MPP7: variants seen among roughly 807,000 people sequenced by gnomAD.
MPP7 encodes MAGUK p55 subfamily member 7.
In MPP7, 60 loss-of-function variants were observed where a neutral mutation model predicts 76.5. The ratio of observed to expected loss-of-function variants is 0.78; its 90% CI spans 0.64 to 0.97. The LOEUF is 0.97. Among genes scored for constraint, MPP7 ranks in the 50% least tolerant of loss-of-function variants. The pLI, the probability that MPP7 is intolerant of heterozygous loss-of-function variation, is 0.00. For synonymous variants in MPP7, 237 were observed against 244.5 expected, an observed-to-expected ratio of 0.97 and a Z score of 0.29; for missense variants, 641 against 694.0, an observed-to-expected ratio of 0.92 and a Z score of 0.86.
intron 5 of MPP7, among the ~76,000 whole-genome samples, chr10:28,144,089 A>C (rs1004692818): frequency 1.3e-5 from 2 of 152,094 alleles, no homozygotes; most frequent in African/African-American, 4.8e-5. Flanking sequence ...GGGTTTCACC[A>C]TGTTGGCCAG....
intron 3 of MPP7, among the ~76,000 whole-genome samples, chr10:28,198,302 C>A (rs571661127): frequency 5.9e-5 from 9 of 152,062 alleles, no homozygotes; most frequent in Admixed American, 5.9e-4. Flanking sequence ...ATAGGCCAGG[C>A]GCAGTGGCTC....
intron 2 of MPP7, among the ~76,000 whole-genome samples, chr10:28,315,361 G>A (rs1834308977): frequency 6.6e-6 from 1 of 151,196 alleles, no homozygotes; most frequent in African/African-American, 2.4e-5. Context: ...AGGGAGGAAG[G>A]AGGGAAGGAA....
intron 2 of MPP7, among the ~76,000 whole-genome samples, chr10:28,327,782 C>T (rs1834432174): frequency 6.6e-6 from 1 of 152,140 alleles, no homozygotes; most frequent in Admixed American, 6.5e-5. Flanking sequence ...AGCTATTGTG[C>T]CCTGACATTA....
intron 1 of MPP7, among the ~76,000 whole-genome samples, chr10:28,251,551 A>G (rs1001444777): frequency 6.6e-6 from 1 of 152,210 alleles, no homozygotes; most frequent in African/African-American, 2.4e-5. Context: ...ATACACCCTA[A>G]GAAATAATCA....
At position 28,054,178 on chromosome 10, in the gene MPP7, C is replaced by T; in HGVS notation, c.1618G>A (p.Asp540Asn). The change falls in exon 17 of 17, where the codon GAC becomes AAC. Residue 540 changes from aspartate (D) to asparagine (N), a missense_variant. Transcript: ENST00000683449. The stretch of plus-strand genomic sequence containing the variant: ...AGGTCATCATTTATTATAATTTTGT[C>T]AAAAAGATGACCATATTGACTTTCC... ...IMESQYGHLF[D>N]KIIINDDLTV... The T allele has an allele frequency of 6.2e-7, 1 of 1,605,592 alleles. No homozygotes were observed. Among genetic ancestry groups the T allele is most frequent in the Non-Finnish European group, 8.5e-7 (1 of 1,174,102 alleles).
At chr10:28,240,963 A>G (rs1013668989) in intron 1 of MPP7, among the ~76,000 whole-genome samples, 4 of 152,116 alleles carry the variant, frequency 2.6e-5, no homozygotes, top group Non-Finnish European at 4.4e-5. Flanking sequence ...ATGTGTGTGT[A>G]TATATATGTA....
chr10:28,115,224 T>C (rs575357984), intron 11 of MPP7, among the ~76,000 whole-genome samples: 21 of 152,226 alleles, frequency 1.4e-4, no homozygotes, highest in African/African-American at 5.1e-4. Context: ...TGCCTCAGCC[T>C]CCCGAGTAGC....
At chr10:28,150,136 AAG>A (rs1835835950) in intron 3 of MPP7, 77 bp from the exon 4 acceptor site, 1 of 1,004,496 alleles carries the variant, frequency 1.0e-6, no homozygotes, top group Non-Finnish European at 1.5e-6. Flanking sequence ...TATACTTGAA[AAG>A]AGAATCTGAA....
intron 1 of MPP7, among the ~76,000 whole-genome samples, chr10:28,270,988 GA>G (rs1448450905): frequency 2.6e-5 from 4 of 152,180 alleles, no homozygotes; most frequent in Non-Finnish European, 5.9e-5. Flanking sequence ...CACTGATCTA[GA>G]CCCATAATAA....
intron 1 of MPP7, among the ~76,000 whole-genome samples, chr10:28,285,720 G>T (rs955966779): frequency 1.3e-5 from 2 of 151,996 alleles, no homozygotes; most frequent in Non-Finnish European, 2.9e-5. Flanking sequence ...CTACGAAGTA[G>T]TTTTGCCAAA....
intron 1 of MPP7, among the ~76,000 whole-genome samples, chr10:28,256,121 T>C (rs1230069885): frequency 6.6e-6 from 1 of 152,088 alleles, no homozygotes; most frequent in Non-Finnish European, 1.5e-5. Flanking sequence ...AATTTTGGAA[T>C]ATGGAACAAC....
intron 13 of MPP7, among the ~76,000 whole-genome samples, chr10:28,066,078 T>G (rs775582984): frequency 5.3e-5 from 8 of 152,254 alleles, no homozygotes; most frequent in Non-Finnish European, 8.8e-5. Context: ...GGAGGAAATT[T>G]CCCACAGGCT....
chr10:28,259,575 A>C (rs2132920785), intron 1 of MPP7, among the ~76,000 whole-genome samples: 1 of 149,946 alleles, frequency 6.7e-6, no homozygotes, highest in African/African-American at 2.5e-5. Flanking sequence ...TGACAGAGAG[A>C]GACTCCATCA....
Position 28,232,644 on chromosome 10 carries a change from A to G in MPP7, c.37+5924T>C, listed in dbSNP as rs532476111. ...ATAAATATTCACTTTCAAACTAAAA[A>G]CTGCTTATGGTGTAATTCCATTTAT... On this transcript the variant is annotated intron_variant, in intron 2 of 16. Transcript: ENST00000683449. 3.9e-5 allele frequency among the ~76,000 whole-genome samples: 6 copies of G among 152,320 alleles called. No homozygotes were observed. In the East Asian group the frequency reaches 1.2e-3, roughly 29 times the overall value.
At chr10:28,169,763 T>C (rs1836615558) in intron 3 of MPP7, among the ~76,000 whole-genome samples, 1 of 152,210 alleles carries the variant, frequency 6.6e-6, no homozygotes, top group East Asian at 1.9e-4. Context: ...GAAACACAGC[T>C]GACTTTCATA....
In MPP7 at chr10:28,184,987, G is replaced by A. The variant is rs190412917; in HGVS notation, c.156+17166C>T. Among the ~76,000 whole-genome samples, 859 of 145,410 alleles carry A rather than the reference G, an allele frequency of 5.9e-3. 7 individuals carry two copies. The highest frequency in any genetic ancestry group is 0.021 in the African/African-American group (828 of 40,050). On this transcript the variant is annotated intron_variant, in intron 3 of 16. Transcript: ENST00000683449. ...TATCTTAATATATTATTTATTAATT[G>A]ATATATTAATATGTAATTATTATAT...
intron 5 of MPP7, among the ~76,000 whole-genome samples, chr10:28,143,827 ACT>A (rs1415044009): frequency 1.5e-5 from 2 of 135,770 alleles, no homozygotes; most frequent in Non-Finnish European, 3.4e-5. Flanking sequence ...CCCATCCCAC[ACT>A]CTTTCATTAG....
intron 2 of MPP7, among the ~76,000 whole-genome samples, chr10:28,329,058 C>A (rs1454104057): frequency 3.9e-5 from 6 of 152,198 alleles, no homozygotes; most frequent in Non-Finnish European, 8.8e-5. Context: ...TCTTGAACCT[C>A]TTAATGACCT....
intron 2 of MPP7, among the ~76,000 whole-genome samples, chr10:28,219,323 T>C (rs958206205): frequency 6.6e-6 from 1 of 152,220 alleles, no homozygotes; most frequent in Non-Finnish European, 1.5e-5. Flanking sequence ...TATAATATTC[T>C]GTACAAGACA....
Sources: gnomAD v4.1 joint callset for allele counts (sites outside exome capture counted in the v4.1 genomes callset) on GRCh38, gnomAD v4.1.1 for gene constraint, MANE v1.5 for transcripts, NCBI Gene and HGNC (gene_info 2026-07-23, HGNC 2026-07-21) for gene names.